AIM2: variants seen among roughly 807,000 people sequenced by gnomAD.
AIM2 encodes the protein absent in melanoma 2.
Under a neutral mutation model 27.7 loss-of-function variants are expected in AIM2, and 30 were observed. The observed-to-expected ratio is 1.08, with a 90% CI of 0.81 to 1.47. The LOEUF (loss-of-function observed/expected upper bound fraction) is 1.47, where lower values mean the gene tolerates loss of function less well. Ranked by LOEUF, AIM2 falls within the 40% of genes most tolerant of loss-of-function variation. The pLI, the probability that AIM2 is intolerant of heterozygous loss-of-function variation, is 0.00. For synonymous variants in AIM2, 141 were observed against 145.3 expected, an observed-to-expected ratio of 0.97 and a Z score of 0.21; for missense variants, 358 against 411.3, an observed-to-expected ratio of 0.87 and a Z score of 1.12.
rs35354479 is a variant in AIM2, at chr1:159,126,648, C to CAAAA, written c.-16+13779_-16+13782dup. Among the ~76,000 whole-genome samples, 18 of 113,576 alleles carry CAAAA rather than the reference C, an allele frequency of 1.6e-4. 2 individuals carry two copies. The highest frequency in any genetic ancestry group is 2.4e-4 in the Non-Finnish European group (14 of 58,266). The allele number at this position is 113,576 out of a possible 152,430, so 74.5% of individuals were successfully genotyped here. ...TGGGTGACAGAGCGAGACTACGTCTCAAAAAAAAAAAAAAAAAAATTGATA... is the reference window on the plus strand; with the variant it reads ...TGGGTGACAGAGCGAGACTACGTCTCAAAAAAAAAAAAAAAAAAAAAAATTGATA... On this transcript the variant is annotated intron_variant, in intron 1 of 2. Transcript: ENST00000368129.
At chr1:159,118,330 T>C (rs1051642642) in intron 1 of AIM2, among the ~76,000 whole-genome samples, 1 of 152,236 alleles carries the variant, frequency 6.6e-6, no homozygotes, top group African/African-American at 2.4e-5. Flanking sequence ...ATTGTCACTT[T>C]CCTGATTTGC....
At chr1:159,057,892 T>C (rs560587030), downstream of AIM2, among the ~76,000 whole-genome samples, 3 of 152,364 alleles carry the variant, frequency 2.0e-5, no homozygotes, top group South Asian at 6.2e-4. Flanking sequence ...TATTTCTACA[T>C]AGGCCTTTTG....
In AIM2 at chr1:159,105,236, C is replaced by T. The variant is rs114750140; in HGVS notation, c.-16+35195G>A. Among the ~76,000 whole-genome samples the T allele has an allele frequency of 2.7e-3, 416 of 152,360 alleles. 5 individuals carry two copies. Among genetic ancestry groups the T allele is most frequent in the African/African-American group, 9.6e-3 (398 of 41,582 alleles). Reference sequence around the variant, plus strand: ...TAGGCACTGGCTCCATGTGAGGCTACGACTGGACCAGACGTACTGCAACTG... The same window carrying T: ...TAGGCACTGGCTCCATGTGAGGCTATGACTGGACCAGACGTACTGCAACTG... On this transcript the variant is annotated intron_variant, in intron 1 of 2. Transcript: ENST00000368129.
intron 1 of AIM2, among the ~76,000 whole-genome samples, chr1:159,111,241 GGACA>G (rs1657566256): frequency 6.6e-6 from 1 of 152,168 alleles, no homozygotes. Flanking sequence ...ATTAGGCCAA[GGACA>G]GTCCACATCT....
intron 1 of AIM2, among the ~76,000 whole-genome samples, chr1:159,110,200 T>C (rs1464078562): frequency 6.6e-6 from 1 of 152,132 alleles, no homozygotes; most frequent in Admixed American, 6.5e-5. Context: ...CTGTAGTATA[T>C]ATACACAATG....
At chr1:159,060,999 C>T (rs1043231579), downstream of AIM2, among the ~76,000 whole-genome samples, 1 of 152,118 alleles carries the variant, frequency 6.6e-6, no homozygotes, top group African/African-American at 2.4e-5. Context: ...TCATTCCCAC[C>T]AGCAATAAGT....
At chr1:159,102,176 T>G (rs564151380) in intron 1 of AIM2, among the ~76,000 whole-genome samples, 3 of 152,324 alleles carry the variant, frequency 2.0e-5, no homozygotes, top group East Asian at 3.9e-4. Context: ...AAGGGGCCAT[T>G]GTACAGCTCA....
At chr1:159,145,494 G>A (rs1240173334), upstream of AIM2, among the ~76,000 whole-genome samples, 1 of 152,134 alleles carries the variant, frequency 6.6e-6, no homozygotes, top group African/African-American at 2.4e-5. Flanking sequence ...TAACAATTCA[G>A]CATGAGAATC....
chr1:159,086,377 A>C (rs1656911402), intron 1 of AIM2, among the ~76,000 whole-genome samples: 1 of 152,204 alleles, frequency 6.6e-6, no homozygotes, highest in African/African-American at 2.4e-5. Flanking sequence ...TTTGTTTGTG[A>C]CATGAGGCTG....
chr1:159,082,974 T>G (rs1443441745), intron 1 of AIM2, among the ~76,000 whole-genome samples: 1 of 152,256 alleles, frequency 6.6e-6, no homozygotes, highest in East Asian at 1.9e-4. Flanking sequence ...TAGTGGGTGG[T>G]TGCAGAGAAA....
chr1:159,136,995 C>G (rs1648022016), intron 1 of AIM2, among the ~76,000 whole-genome samples: 1 of 152,194 alleles, frequency 6.6e-6, no homozygotes, highest in Non-Finnish European at 1.5e-5. Flanking sequence ...ACCTCTAAAC[C>G]TGCCTACATA....
At chr1:159,123,316 A>C (rs1338821051) in intron 1 of AIM2, among the ~76,000 whole-genome samples, 1 of 152,248 alleles carries the variant, frequency 6.6e-6, no homozygotes, top group Non-Finnish European at 1.5e-5. Context: ...AGTAGGCTAA[A>C]GGCTGAAGCC....
chr1:159,119,577 TC>T (rs1647475834), intron 1 of AIM2, among the ~76,000 whole-genome samples: 1 of 140,524 alleles, frequency 7.1e-6, no homozygotes, highest in African/African-American at 2.6e-5. Flanking sequence ...GATCTTAAAA[TC>T]ACTGTAAATA....
intron 5 of AIM2, 91 bp from the exon 6 acceptor site, chr1:159,062,809 G>A: frequency 8.5e-7 from 1 of 1,179,662 alleles, no homozygotes; most frequent in South Asian, 1.3e-5. Flanking sequence ...TGAAGTGTAT[G>A]TATCATCTTC....
chr1:159,137,827 T>C (rs1020230508), intron 1 of AIM2, among the ~76,000 whole-genome samples: 1 of 152,108 alleles, frequency 6.6e-6, no homozygotes, highest in Non-Finnish European at 1.5e-5. Context: ...CAAAAATGTA[T>C]CCAAAAGTGT....
chr1:159,120,179 T>C (rs1484746415), intron 1 of AIM2, among the ~76,000 whole-genome samples: 1 of 152,150 alleles, frequency 6.6e-6, no homozygotes, highest in Non-Finnish European at 1.5e-5. Context: ...CGTAAAATAA[T>C]TTCAAAATTA....
upstream of AIM2, among the ~76,000 whole-genome samples, chr1:159,144,666 T>G (rs1199072246): frequency 6.6e-6 from 1 of 152,172 alleles, no homozygotes; most frequent in African/African-American, 2.4e-5. Context: ...TCTCCAAAGA[T>G]CTGTGACTCA....
At chr1:159,081,142 G>T, upstream of AIM2, 1 of 232,646 alleles carries the variant, frequency 4.3e-6, no homozygotes, top group Admixed American at 4.1e-5. Context: ...TCAAGACTCA[G>T]ATTCAGGAAC....
intron 1 of AIM2, among the ~76,000 whole-genome samples, chr1:159,091,560 T>C (rs573388786): frequency 6.6e-6 from 1 of 152,374 alleles, no homozygotes; most frequent in South Asian, 2.1e-4. Flanking sequence ...AACAAAATTA[T>C]ATACTTACAA....
Sources: allele counts gnomAD v4.1 joint callset (sites outside exome capture counted in the v4.1 genomes callset), GRCh38; gene constraint gnomAD v4.1.1; transcripts MANE v1.5; gene names NCBI Gene and HGNC (gene_info 2026-07-23, HGNC 2026-07-21).